TAS2R1: variants seen among roughly 807,000 people sequenced by gnomAD.
TAS2R1 encodes the protein taste receptor type 2 member 1.
For synonymous variants in TAS2R1, 141 were observed against 134.2 expected (o/e 1.05, Z -0.35); for missense variants, 370 against 353.4 (o/e 1.05, Z -0.38).
At chr5:9,640,219 C>A (rs975587735) in intron 2 of TAS2R1, among the ~76,000 whole-genome samples, 1 of 151,950 alleles carries the variant, frequency 6.6e-6, no homozygotes, top group Non-Finnish European at 1.5e-5. Context: ...TGCAATGGGA[C>A]AGCCGGGTAG....
the TAS2R1 span, among the ~76,000 whole-genome samples, chr5:9,799,568 T>A: frequency 6.6e-6 from 1 of 152,168 alleles, no homozygotes; most frequent in African/African-American, 2.4e-5. Flanking sequence ...TTAAAACAAC[T>A]CAGCTGTGTC....
At chr5:9,790,785 C>T in the TAS2R1 span, among the ~76,000 whole-genome samples, 1 of 152,112 alleles carries the variant, frequency 6.6e-6, no homozygotes. Context: ...CTCGCTACCA[C>T]GCCTGGCTAA....
the TAS2R1 span, among the ~76,000 whole-genome samples, chr5:9,888,750 T>C: frequency 1.3e-5 from 2 of 151,980 alleles, no homozygotes; most frequent in East Asian, 3.9e-4. Flanking sequence ...TCCATGGTGC[T>C]AACAGTGGAC....
the TAS2R1 span, among the ~76,000 whole-genome samples, chr5:9,847,313 T>C: frequency 6.6e-6 from 1 of 152,228 alleles, no homozygotes; most frequent in Non-Finnish European, 1.5e-5. Flanking sequence ...CTATTTTAGA[T>C]CCTTTTTTAA....
intron 1 of TAS2R1, among the ~76,000 whole-genome samples, chr5:9,694,845 G>C (rs1741326393): frequency 6.6e-6 from 1 of 152,176 alleles, no homozygotes; most frequent in South Asian, 2.1e-4. Context: ...TCTTTCTGTA[G>C]AATTCACCAG....
At chr5:9,872,777 A>G in the TAS2R1 span, among the ~76,000 whole-genome samples, 2 of 152,238 alleles carry the variant, frequency 1.3e-5, no homozygotes, top group Non-Finnish European at 2.9e-5. Context: ...AAGTTTGGGG[A>G]AATAATATAT....
In TAS2R1 at chr5:9,630,102, A is replaced by T. The variant is rs541725503; in HGVS notation, c.-70T>A. On this transcript the variant is annotated 5_prime_UTR_variant, in exon 1 of 1. Coordinates refer to ENST00000382492, the MANE Select transcript of TAS2R1 (RefSeq NM_019599.3). ...AAGTTTTGGACAGGTTGGGTTGTTC[A>T]CGCTCTTCAATTAGATCAGGACTCC... 7.6e-7 allele frequency: 1 copy of T among 1,317,100 alleles called. No homozygotes were observed. The highest frequency in any genetic ancestry group is 1.5e-5 in the African/African-American group (1 of 67,104). The allele number at this position is 1,317,100 out of a possible 1,614,324, so 81.6% of individuals were successfully genotyped here. A position where few individuals can be genotyped will look rare whatever the true frequency, so the allele number is the denominator to read the frequency against.
chr5:9,842,316 CTTTTTTTTTTT>C, the TAS2R1 span, among the ~76,000 whole-genome samples: 9 of 116,232 alleles, frequency 7.7e-5, no homozygotes, highest in African/African-American at 3.0e-4. Context: ...TTCTTTCTCT[CTTTTTTTTTTT>C]TTTTTTTTTT....
At chr5:9,645,487 G>A (rs930401908) in intron 2 of TAS2R1, 16 of 152,052 alleles carry the variant, frequency 1.1e-4, no homozygotes, top group African/African-American at 3.9e-4. Context: ...TGCCCATCTG[G>A]CATTTGTCCC....
At chr5:9,760,152 G>A in the TAS2R1 span, among the ~76,000 whole-genome samples, 30 of 152,152 alleles carry the variant, frequency 2.0e-4, no homozygotes, top group Admixed American at 1.4e-3. Context: ...AAATTCATAT[G>A]AGAAGTAATT....
chr5:9,660,023 T>TCC (rs1740498090), intron 1 of TAS2R1: 1 of 151,876 alleles, frequency 6.6e-6, no homozygotes, highest in Non-Finnish European at 1.5e-5. Flanking sequence ...TTAAGAATAA[T>TCC]TAAAAGGCAT....
At chr5:9,885,300 G>A in the TAS2R1 span, among the ~76,000 whole-genome samples, 3 of 152,122 alleles carry the variant, frequency 2.0e-5, no homozygotes, top group Non-Finnish European at 4.4e-5. Flanking sequence ...TTAAATATAA[G>A]TACAGCCATG....
chr5:9,726,378 G>A, the TAS2R1 span, among the ~76,000 whole-genome samples: 29,030 of 152,058 alleles, frequency 0.19, 2,873 homozygotes, highest in Middle Eastern at 0.29. Context: ...GGCTCTACCA[G>A]TCAGCAGGAT....
chr5:9,635,234 G>A (rs909701281), upstream of TAS2R1, among the ~76,000 whole-genome samples: 16 of 152,030 alleles, frequency 1.1e-4, no homozygotes, highest in Non-Finnish European at 1.5e-4. Flanking sequence ...TTCTGTTTAC[G>A]TCATGTATCA....
the TAS2R1 span, among the ~76,000 whole-genome samples, chr5:9,865,700 A>G: frequency 2.0e-5 from 3 of 152,208 alleles, no homozygotes; most frequent in Non-Finnish European, 2.9e-5. Context: ...TTATTTTCTT[A>G]TATCACTTTA....
At chr5:9,700,582 G>A (rs371900362) in intron 1 of TAS2R1, among the ~76,000 whole-genome samples, 16 of 152,150 alleles carry the variant, frequency 1.1e-4, no homozygotes, top group Admixed American at 7.9e-4. Context: ...ACTCAGGAGC[G>A]TTGGGATATA....
the TAS2R1 span, among the ~76,000 whole-genome samples, chr5:9,885,442 T>C: frequency 2.6e-4 from 39 of 152,254 alleles, no homozygotes; most frequent in Non-Finnish European, 3.2e-4. Flanking sequence ...AATTATTTAG[T>C]GTAATGGAAT....
chr5:9,754,514 C>A, the TAS2R1 span, among the ~76,000 whole-genome samples: 1 of 152,208 alleles, frequency 6.6e-6, no homozygotes, highest in Non-Finnish European at 1.5e-5. Context: ...ATCGTCTTAG[C>A]CCAAAGTCTC....
chr5:9,832,583 T>C, the TAS2R1 span, among the ~76,000 whole-genome samples: 1 of 152,104 alleles, frequency 6.6e-6, no homozygotes, highest in Non-Finnish European at 1.5e-5. Context: ...AGGAGAAAAT[T>C]AACTGTTGGG....
Sources: gnomAD v4.1 joint callset for allele counts (sites outside exome capture counted in the v4.1 genomes callset) on GRCh38, gnomAD v4.1.1 for gene constraint, MANE v1.5 for transcripts, NCBI Gene and HGNC (gene_info 2026-07-23, HGNC 2026-07-21) for gene names.